The following PPP3CC variants were observed in gnomAD, a reference collection of about 807,000 sequenced individuals.
PPP3CC encodes protein phosphatase 3 catalytic subunit gamma, also known as serine/threonine-protein phosphatase 2B catalytic subunit gamma isoform.
PPP3CC carries 35 observed loss-of-function variants against 60.3 expected under a neutral mutation model. The observed-to-expected ratio is 0.58, with a 90% CI of 0.44 to 0.77. PPP3CC has a LOEUF of 0.77. PPP3CC is among the 30% of genes least tolerant of loss of function. The pLI, the probability that PPP3CC is intolerant of heterozygous loss-of-function variation, is 0.00. For synonymous variants in PPP3CC, 206 were observed against 224.3 expected, an observed-to-expected ratio of 0.92 and a Z score of 0.73; for missense variants, 570 against 628.9, an observed-to-expected ratio of 0.91 and a Z score of 1.00.
chr8:22,515,669 G>A (rs1039312385), intron 6 of PPP3CC, among the ~76,000 whole-genome samples: 1 of 152,020 alleles, frequency 6.6e-6, no homozygotes, highest in African/African-American at 2.4e-5. Flanking sequence ...ATTTTAACTG[G>A]GTGAGATGAT....
intron 1 of PPP3CC, among the ~76,000 whole-genome samples, chr8:22,459,536 TGA>T (rs1837306315): frequency 6.6e-6 from 1 of 152,166 alleles, no homozygotes; most frequent in South Asian, 2.1e-4. Flanking sequence ...TTCATTTTCA[TGA>T]GAGAGTATCT....
At chr8:22,463,025 T>G (rs1837409477) in intron 1 of PPP3CC, among the ~76,000 whole-genome samples, 1 of 152,220 alleles carries the variant, frequency 6.6e-6, no homozygotes, top group Admixed American at 6.5e-5. Flanking sequence ...CATTCACCTT[T>G]GCAACTGTCC....
intron 3 of PPP3CC, among the ~76,000 whole-genome samples, chr8:22,483,453 A>AT (rs1188371112): frequency 6.6e-6 from 1 of 151,986 alleles, no homozygotes. Flanking sequence ...CGCCCGGCTA[A>AT]TTTTTTGTAT....
At chr8:22,522,614 C>G in intron 7 of PPP3CC, 41 bp from the exon 8 acceptor site, 5 of 1,591,044 alleles carry the variant, frequency 3.1e-6, no homozygotes, top group Non-Finnish European at 4.3e-6. Context: ...AGAGTCTTTG[C>G]ATTTAATATG....
chr8:22,487,533 G>A (rs1459418272), intron 3 of PPP3CC, among the ~76,000 whole-genome samples: 1 of 152,116 alleles, frequency 6.6e-6, no homozygotes, highest in Non-Finnish European at 1.5e-5. Flanking sequence ...GCTGAGGCAG[G>A]AGAATTGTGT....
intron 1 of PPP3CC, among the ~76,000 whole-genome samples, chr8:22,447,240 C>T (rs183848558): frequency 0.021 from 2,896 of 141,082 alleles, 90 homozygotes; most frequent in African/African-American, 0.072. Flanking sequence ...AGTGCAGTGG[C>T]GCAATCTCGG....
At chr8:22,478,891 G>A (rs987255742) in intron 3 of PPP3CC, among the ~76,000 whole-genome samples, 2 of 152,170 alleles carry the variant, frequency 1.3e-5, no homozygotes, top group Non-Finnish European at 2.9e-5. Context: ...ATCATAGTTT[G>A]TATTTAGCTT....
intron 1 of PPP3CC, among the ~76,000 whole-genome samples, chr8:22,448,388 T>G (rs1247536545): frequency 2.0e-5 from 3 of 151,026 alleles, no homozygotes; most frequent in Admixed American, 1.3e-4. Flanking sequence ...TTTGTTTTTT[T>G]TTTTTTTTGA....
chr8:22,456,355 A>G (rs1207057231), intron 1 of PPP3CC, among the ~76,000 whole-genome samples: 1 of 152,186 alleles, frequency 6.6e-6, no homozygotes, highest in Non-Finnish European at 1.5e-5. Context: ...TCTGATCTTG[A>G]AAAGGTTGCA....
chr8:22,507,219 C>T (rs1838951926), intron 4 of PPP3CC, among the ~76,000 whole-genome samples: 1 of 152,152 alleles, frequency 6.6e-6, no homozygotes, highest in Non-Finnish European at 1.5e-5. Flanking sequence ...AGTGCTGACT[C>T]TCAAAATTGC....
At chr8:22,539,535 G>A in intron 13 of PPP3CC, 37 bp downstream of exon 13, 1 of 1,599,560 alleles carries the variant, frequency 6.3e-7, no homozygotes, top group Non-Finnish European at 8.5e-7. Flanking sequence ...TGATCCATGT[G>A]TCTGTGTACT....
At chr8:22,525,533 TCTTTCTCTCC>T (rs1256226072) in intron 8 of PPP3CC, among the ~76,000 whole-genome samples, 4 of 67,420 alleles carry the variant, frequency 5.9e-5, no homozygotes, top group Admixed American at 3.2e-4. Context: ...TTTCTTTCTT[TCTTTCTCTCC>T]CTCTCTCTCT....
chr8:22,467,328 A>G (rs1318675789), intron 1 of PPP3CC, among the ~76,000 whole-genome samples: 1 of 152,150 alleles, frequency 6.6e-6, no homozygotes, highest in Non-Finnish European at 1.5e-5. Flanking sequence ...GAATGAATTA[A>G]TTGAGGATAC....
At chr8:22,485,599 C>T (rs1838201219) in intron 3 of PPP3CC, among the ~76,000 whole-genome samples, 1 of 152,176 alleles carries the variant, frequency 6.6e-6, no homozygotes, top group African/African-American at 2.4e-5. Flanking sequence ...AGTGTGGCTA[C>T]CTTGTACTAT....
intron 3 of PPP3CC, among the ~76,000 whole-genome samples, chr8:22,479,107 T>A (rs1837984982): frequency 6.6e-6 from 1 of 152,156 alleles, no homozygotes; most frequent in Non-Finnish European, 1.5e-5. Context: ...TACTCTAACA[T>A]GTTGCAAGTA....
intron 1 of PPP3CC, among the ~76,000 whole-genome samples, chr8:22,463,913 A>G (rs1003312818): frequency 3.3e-5 from 5 of 151,760 alleles, no homozygotes; most frequent in Admixed American, 3.3e-4. Flanking sequence ...CAGCCTTCCA[A>G]GTAGCTGGGA....
At chr8:22,481,009 A>T (rs571159515) in intron 3 of PPP3CC, among the ~76,000 whole-genome samples, 2 of 152,338 alleles carry the variant, frequency 1.3e-5, no homozygotes, top group African/African-American at 4.8e-5. Flanking sequence ...AGAACATCTG[A>T]TCAAAACAGA....
chr8:22,446,996 A>G (rs1192074068), intron 1 of PPP3CC, among the ~76,000 whole-genome samples: 1 of 151,722 alleles, frequency 6.6e-6, no homozygotes, highest in Non-Finnish European at 1.5e-5. Context: ...TTACTAGACT[A>G]TAATGCCCGT....
At chr8:22,527,036 G>A (rs1239933828) in intron 8 of PPP3CC, among the ~76,000 whole-genome samples, 2 of 152,144 alleles carry the variant, frequency 1.3e-5, no homozygotes, top group African/African-American at 4.8e-5. Context: ...TGCCTTCAAA[G>A]GAGAGTTGTA....
Sources: allele counts gnomAD v4.1 joint callset (sites outside exome capture counted in the v4.1 genomes callset), GRCh38; gene constraint gnomAD v4.1.1; transcripts MANE v1.5; gene names NCBI Gene and HGNC (gene_info 2026-07-23, HGNC 2026-07-21).